CLSTN2: variants seen among roughly 807,000 people sequenced by gnomAD.
The protein encoded by CLSTN2 is calsyntenin-2.
In CLSTN2, 48 loss-of-function variants were observed where a neutral mutation model predicts 101.2. That is an observed-to-expected ratio of 0.47 (90% CI 0.38 to 0.60). CLSTN2 has a LOEUF of 0.60. Among genes scored for constraint, CLSTN2 ranks in the 20% least tolerant of loss-of-function variants. The pLI is 0.00. For missense variants in CLSTN2, 1,160 were observed against 1,238.2 expected (o/e 0.94, Z 0.95); for synonymous variants, 481 against 463.6 (o/e 1.04, Z -0.48).
intron 1 of CLSTN2, among the ~76,000 whole-genome samples, chr3:140,044,620 G>A (rs914085657): frequency 2.0e-5 from 3 of 152,292 alleles, no homozygotes; most frequent in Non-Finnish European, 4.4e-5. Context: ...TTTTCAAAGG[G>A]AATTCTTCCA....
chr3:140,562,793 TGTG>T lies in CLSTN2; in HGVS notation c.2213-15_2213-13del. 6.2e-7 allele frequency: 1 copy of T among 1,612,900 alleles called. No individual in the cohort carries two copies. The highest frequency in any genetic ancestry group is 8.5e-7 in the Non-Finnish European group (1 of 1,179,622). On this transcript the variant is annotated splice_polypyrimidine_tract_variant and intron_variant, in intron 13 of 16. Transcript: ENST00000458420. ...TCCTTTTCTGCCTTCTGATGACAGG[TGTG>T]GTCTCTTGGCACAGGTGTGGGCTCC...
At chr3:140,408,740 G>T (rs373141580) in intron 4 of CLSTN2, among the ~76,000 whole-genome samples, 3 of 152,246 alleles carry the variant, frequency 2.0e-5, no homozygotes, top group African/African-American at 7.2e-5. Flanking sequence ...ACCCAGGGAA[G>T]CCACTACATG....
At position 140,543,343 on chromosome 3, in the gene CLSTN2, G is replaced by A. The variant is rs1012357681; in HGVS notation, c.1508-3172G>A. On this transcript the variant is annotated intron_variant, in intron 9 of 16. Transcript: ENST00000458420. ...GTACTTTATGCATGGGGTCACTGAA[G>A]ATTTAAATCAGAAGACCCCAGTTAG... 2.0e-5 allele frequency among the ~76,000 whole-genome samples: 3 copies of A among 152,300 alleles called. No individual in the cohort carries two copies. The East Asian group carries it at 5.8e-4, about 29-fold the overall frequency.
chr3:140,486,919 G>A (rs1284655767), intron 8 of CLSTN2, among the ~76,000 whole-genome samples: 2 of 152,212 alleles, frequency 1.3e-5, no homozygotes, highest in African/African-American at 4.8e-5. Flanking sequence ...ACCTGGGAAA[G>A]TAAGAGAGCA....
rs2008255415 is a variant in CLSTN2, at chr3:140,063,973, C to T, written c.110-111978C>T. Among the ~76,000 whole-genome samples the T allele has an allele frequency of 2.6e-5, 4 of 152,270 alleles. No homozygotes were observed. The South Asian group carries it at 8.3e-4, about 32-fold the overall frequency. On this transcript the variant is annotated intron_variant, in intron 1 of 16. Transcript: ENST00000458420. The stretch of plus-strand genomic sequence containing the variant: ...TGCAGCTGGAGTGCTTGTGTTCAAT[C>T]CCAGAAGCCCCTGCCAGGGCCTTTG...
At chr3:140,232,541 G>C (rs754701671) in intron 2 of CLSTN2, among the ~76,000 whole-genome samples, 2 of 151,884 alleles carry the variant, frequency 1.3e-5, no homozygotes, top group Non-Finnish European at 2.9e-5. Context: ...CAGTTCCTAC[G>C]GGCTGATGTT....
chr3:140,576,961 CT>C lies in CLSTN2; in HGVS notation c.*10709del, dbSNP rs1238586328. On this transcript the variant is annotated 3_prime_UTR_variant, in exon 17 of 17. Transcript: ENST00000458420. ...TTGAATCTAATTTCAGAAGAGCGCA[CT>C]GTCTTCTCAGTCAACAAGGTTGCCC... The C allele has an allele frequency of 2.0e-5, 3 of 152,210 alleles. No homozygotes were observed. 9.4% of individuals were successfully genotyped at this position (152,210 alleles called of 1,614,324 possible).
chr3:140,078,997 T>C (rs1056001363), intron 1 of CLSTN2, among the ~76,000 whole-genome samples: 10 of 152,198 alleles, frequency 6.6e-5, no homozygotes, highest in Non-Finnish European at 1.2e-4. Flanking sequence ...GGTGTGGTTT[T>C]TGATATCAGA....
Position 140,532,397 on chromosome 3 carries a change from C to T in CLSTN2, c.1418C>T (p.Ala473Val), listed in dbSNP as rs1381395515. The change falls in exon 9 of 17, where the codon GCA (alanine) becomes GTA (valine). Residue 473 changes from alanine (A) to valine (V), a missense_variant. Coordinates refer to ENST00000458420, the MANE Select transcript of CLSTN2 (RefSeq NM_022131.3). ...GTGGTAACCTTATACATGGATGGAG[C>T]AACATATGAACCATACCTGGTGACC... ...FPVVTLYMDG[A>V]TYEPYLVTND... 6.2e-7 allele frequency: 1 copy of T among 1,613,602 alleles called. No individual in the cohort carries two copies. Among genetic ancestry groups the T allele is most frequent in the African/African-American group, 1.3e-5 (1 of 75,022 alleles).
chr3:140,234,347 G>A (rs1158990738), intron 2 of CLSTN2, among the ~76,000 whole-genome samples: 1 of 152,236 alleles, frequency 6.6e-6, no homozygotes, highest in East Asian at 1.9e-4. Flanking sequence ...GCCATTGAGG[G>A]TAGGCTCTGG....
intron 5 of CLSTN2, among the ~76,000 whole-genome samples, chr3:140,432,047 T>G (rs1340277428): frequency 6.6e-6 from 1 of 152,200 alleles, no homozygotes; most frequent in Non-Finnish European, 1.5e-5. Context: ...ATCCATAGAA[T>G]TGAGTAAGGC....
chr3:140,334,828 G>C (rs1008304432), intron 2 of CLSTN2, among the ~76,000 whole-genome samples: 1 of 152,158 alleles, frequency 6.6e-6, no homozygotes, highest in Admixed American at 6.5e-5. Context: ...GGAGTCAATG[G>C]GCAATCAGGC....
intron 1 of CLSTN2, among the ~76,000 whole-genome samples, chr3:140,081,226 G>A (rs2008593597): frequency 6.6e-6 from 1 of 152,250 alleles, no homozygotes; most frequent in East Asian, 1.9e-4. Flanking sequence ...CCCCCTTAGG[G>A]CAAATCCCTC....
chr3:139,969,835 C>T (rs1935663795), intron 1 of CLSTN2, among the ~76,000 whole-genome samples: 1 of 152,170 alleles, frequency 6.6e-6, no homozygotes, highest in Non-Finnish European at 1.5e-5. Context: ...TCTCTTAAAC[C>T]CTGTACCCCT....
At chr3:140,169,578 T>G (rs758808530) in intron 1 of CLSTN2, among the ~76,000 whole-genome samples, 6 of 152,212 alleles carry the variant, frequency 3.9e-5, no homozygotes, top group Non-Finnish European at 8.8e-5. Flanking sequence ...CTTTCACCAT[T>G]AAGTATGATA....
intron 1 of CLSTN2, among the ~76,000 whole-genome samples, chr3:140,137,008 G>A (rs1024375761): frequency 3.9e-5 from 6 of 152,170 alleles, no homozygotes; most frequent in Non-Finnish European, 8.8e-5. Flanking sequence ...GTAGCCTGCT[G>A]CCTCTAGATT....
chr3:140,520,265 T>C (rs1468450949), intron 8 of CLSTN2, among the ~76,000 whole-genome samples: 1 of 152,196 alleles, frequency 6.6e-6, no homozygotes, highest in Non-Finnish European at 1.5e-5. Flanking sequence ...CCTTGGAGAA[T>C]TGTATTAGTC....
At chr3:140,195,874 T>C (rs1002708540) in intron 2 of CLSTN2, among the ~76,000 whole-genome samples, 1 of 152,214 alleles carries the variant, frequency 6.6e-6, no homozygotes, top group African/African-American at 2.4e-5. Flanking sequence ...CATTCATTCA[T>C]ATATAAGAAA....
chr3:140,558,839 G>C lies in CLSTN2; in HGVS notation c.2023G>C (p.Gly675Arg). The C allele has an allele frequency of 6.2e-7, 1 of 1,613,792 alleles. No homozygotes were observed. Among genetic ancestry groups the C allele is most frequent in the Non-Finnish European group, 8.5e-7 (1 of 1,179,956 alleles). The change falls in exon 12 of 17, where the codon GGG becomes CGG. Residue 675 changes from glycine to arginine, a missense_variant. Transcript: ENST00000458420. Reference protein sequence around the residue: ...VSTFAKTEAPGDVKTTDPKSE... With the variant: ...VSTFAKTEAPRDVKTTDPKSE... The stretch of plus-strand genomic sequence containing the variant: ...CACCTTCGCCAAAACCGAAGCCCCC[G>C]GGGACGTGAAAACCACAGGTACAGG...
Sources: gnomAD v4.1 joint callset for allele counts (sites outside exome capture counted in the v4.1 genomes callset) on GRCh38, gnomAD v4.1.1 for gene constraint, MANE v1.5 for transcripts, NCBI Gene and HGNC (gene_info 2026-07-23, HGNC 2026-07-21) for gene names.